Variants in RPAP1 observed in about 807,000 individuals in gnomAD.
RPAP1 encodes RNA polymerase II-associated protein 1.
RPAP1 carries 109 observed loss-of-function variants against 142.4 expected under a neutral mutation model. That is an observed-to-expected ratio of 0.77 (90% confidence interval 0.66 to 0.90). The LOEUF (loss-of-function observed/expected upper bound fraction) is 0.90. Among genes scored for constraint, RPAP1 ranks in the 40% least tolerant of loss-of-function variants. RPAP1 has a pLI of 0.00. For synonymous variants in RPAP1, 704 were observed against 738.9 expected, an observed-to-expected ratio of 0.95 and a Z score of 0.77; for missense variants, 1,546 against 1,751.7, an observed-to-expected ratio of 0.88 and a Z score of 2.10.
At chr15:41,529,005 G>A (rs555983454) in intron 9 of RPAP1, among the ~76,000 whole-genome samples, 2 of 152,206 alleles carry the variant, frequency 1.3e-5, no homozygotes, top group South Asian at 4.1e-4. Flanking sequence ...CAGAAGATCG[G>A]CAAATTCTAG....
Position 41,521,012 on chromosome 15 carries a change from G to A in RPAP1, c.3174C>T (p.Cys1058=). 1 of 1,605,042 alleles carries A rather than the reference G, an allele frequency of 6.2e-7. No individual in the cohort carries two copies. Among genetic ancestry groups the A allele is most frequent in the Non-Finnish European group, 8.5e-7 (1 of 1,175,484 alleles). Residue 1058 remains cysteine (C), a synonymous_variant, in exon 22 of 25, where the codon TGC becomes TGT. Transcript: ENST00000304330. ...ACQDLPSIRN[C]YLTHCSPARA... is the part of the protein sequence containing the mutation. ...GGGCTGGCGAGCAATGAGTCAGGTA[G>A]CAGTTGCGGATGCTGGGGAGGTCCT... is the stretch of plus-strand genomic sequence containing the variant.
In RPAP1 at chr15:41,527,404, AAAG is replaced by A. The variant is rs1175171795; in HGVS notation, c.1611+16_1611+18del. 8 of 1,613,652 alleles carry A rather than the reference AAAG, an allele frequency of 5.0e-6. No homozygotes were observed. Among genetic ancestry groups the A allele is most frequent in the Non-Finnish European group, 6.8e-6 (8 of 1,179,852 alleles). On this transcript the variant is annotated intron_variant, in intron 12 of 24. Coordinates refer to ENST00000304330, the MANE Select transcript of RPAP1 (RefSeq NM_015540.4). ...CTTGTCCCCTGGGCCATGGGATGGG[AAAG>A]AAGCTGTCCCTTTACCTTGATGACA...
intron 21 of RPAP1, among the ~76,000 whole-genome samples, chr15:41,521,406 G>C (rs1369158050): frequency 6.6e-6 from 1 of 152,212 alleles, no homozygotes; most frequent in African/African-American, 2.4e-5. Flanking sequence ...CTATCTCATG[G>C]TCCAAGTAAA....
chr15:41,520,813 T>C lies in RPAP1; in HGVS notation c.3373A>G (p.Thr1125Ala). 1 of 1,613,776 alleles carries C rather than the reference T, an allele frequency of 6.2e-7. No individual in the cohort carries two copies. The change falls in exon 22 of 25, where the codon ACC (threonine) becomes GCC (alanine). Residue 1125 changes from threonine (T) to alanine (A), a missense_variant. By Grantham distance (58) the Thr-to-Ala change is moderately conservative. This residue lies in a region of RPAP1 where 1,333 missense variants were observed against 1,486.6 expected (regional missense o/e 0.90). Coordinates refer to ENST00000304330, the MANE Select transcript of RPAP1 (RefSeq NM_015540.4). ...AGGACCCGCATGGCTGTGCCCATGG[T>C]GTCTGTGGGAGAGAGTCCCGAGGGG... ...DTPSGLSPTD[T>A]MGTAMRVLQW...
rs759260623 is a variant in RPAP1 at position 41,536,165 on chromosome 15, AG to A, written c.383del (p.Ala128ValfsTer34). ...AVNLPVPSGV[A>X]FPAVFLRSRD... ...GCGAGCGAAGGAACACAGCAGGGAA[AG>A]CAACACCACTGGGCACAGGCAGATT... On this transcript the variant is annotated frameshift_variant, in exon 4 of 25. Coordinates refer to ENST00000304330, the MANE Select transcript of RPAP1 (RefSeq NM_015540.4). LOFTEE classifies it high-confidence loss of function. 9.3e-6 allele frequency: 15 copies of A among 1,614,034 alleles called. No individual in the cohort carries two copies. The highest frequency in any genetic ancestry group is 1.3e-5 in the Non-Finnish European group (15 of 1,180,024).
In RPAP1 at chr15:41,537,095, C is replaced by G; in HGVS notation, c.31G>C (p.Glu11Gln). The G allele has an allele frequency of 6.2e-7, 1 of 1,614,136 alleles. No homozygotes were observed. Among genetic ancestry groups the G allele is most frequent in the East Asian group, 2.2e-5 (1 of 44,880 alleles). The change falls in exon 2 of 25, where the codon GAG becomes CAG. Residue 11 changes from glutamate to glutamine, a missense_variant. Coordinates refer to ENST00000304330, the MANE Select transcript of RPAP1 (RefSeq NM_015540.4). MLSRPKPGES[E>Q]VDLLHFQSQF... ...CTCTGGAAGTGCAGCAGGTCCACCT[C>G]GGACTCCCCTGGCTTCGGTCTCGAC...
chr15:41,539,280 T>G (rs529976512), intron 1 of RPAP1, among the ~76,000 whole-genome samples: 26 of 141,224 alleles, frequency 1.8e-4, no homozygotes, highest in East Asian at 4.0e-4. Flanking sequence ...CTAATTTTTG[T>G]TTTTTTTTTT....
intron 11 of RPAP1, 121 bp from the exon 12 acceptor site, chr15:41,527,726 A>T: frequency 6.9e-7 from 1 of 1,456,004 alleles, no homozygotes; most frequent in Non-Finnish European, 9.2e-7. Context: ...TAGGGACTTT[A>T]GGAGATGAGG....
In RPAP1 at chr15:41,526,965, G is replaced by A. The variant is rs1828563595; in HGVS notation, c.1850C>T (p.Pro617Leu). The change falls in exon 14 of 25, where the codon CCC (proline) becomes CTC (leucine). Residue 617 changes from proline (P) to leucine (L), a missense_variant. Around this residue, in one of 3 missense-constraint regions of RPAP1, gnomAD observed 1,333 missense variants for 1,486.6 expected, o/e 0.90. Coordinates refer to ENST00000304330, the MANE Select transcript of RPAP1 (RefSeq NM_015540.4). Reference protein sequence around the residue: ...AGPTPSLYKVPCATAMKLLRV... With the variant: ...AGPTPSLYKVLCATAMKLLRV... ...AAGTAGTTTCATGGCAGTAGCACAGGGTACTTTGTATAGACTAGGGGTAGG... is the reference window on the plus strand; with the variant it reads ...AAGTAGTTTCATGGCAGTAGCACAGAGTACTTTGTATAGACTAGGGGTAGG... 2.5e-6 allele frequency: 4 copies of A among 1,614,166 alleles called. No individual in the cohort carries two copies. Among genetic ancestry groups the A allele is most frequent in the Non-Finnish European group, 3.4e-6 (4 of 1,180,010 alleles).
At chr15:41,530,431 TC>T (rs1162219602) in intron 7 of RPAP1, among the ~76,000 whole-genome samples, 1 of 152,162 alleles carries the variant, frequency 6.6e-6, no homozygotes, top group African/African-American at 2.4e-5. Flanking sequence ...AGCATTTTCC[TC>T]CTTCACGCCT....
intron 7 of RPAP1, 48 bp downstream of exon 7, chr15:41,530,975 T>A: frequency 3.9e-6 from 6 of 1,555,680 alleles, no homozygotes; most frequent in Non-Finnish European, 5.3e-6. Flanking sequence ...AAAGGGACAA[T>A]TTCCCCTACT....
intron 6 of RPAP1, 42 bp from the exon 7 acceptor site, chr15:41,531,244 CT>C (rs771128811): frequency 6.4e-7 from 1 of 1,561,652 alleles, no homozygotes; most frequent in Non-Finnish European, 8.8e-7. Context: ...AGGGTAGATC[CT>C]CCCTGGCCTC....
intron 8 of RPAP1, 38 bp from the exon 9 acceptor site, chr15:41,529,606 C>G (rs1291095178): frequency 6.9e-7 from 1 of 1,452,916 alleles, no homozygotes; most frequent in Admixed American, 1.8e-5. Context: ...TCTGGGGGCT[C>G]CAGCAACCTT....
intron 14 of RPAP1, among the ~76,000 whole-genome samples, chr15:41,526,259 T>G (rs1042038913): frequency 6.6e-6 from 1 of 152,154 alleles, no homozygotes; most frequent in African/African-American, 2.4e-5. Context: ...AGTAGTAGTA[T>G]TTTTGAGACG....
intron 6 of RPAP1, among the ~76,000 whole-genome samples, chr15:41,532,169 G>T (rs1040008538): frequency 6.6e-6 from 1 of 151,542 alleles, no homozygotes; most frequent in Non-Finnish European, 1.5e-5. Context: ...CTACAGGCGT[G>T]TGCCACCACG....
At chr15:41,528,161 G>A in intron 10 of RPAP1, 74 bp downstream of exon 10, 1 of 1,508,922 alleles carries the variant, frequency 6.6e-7, no homozygotes, top group South Asian at 1.2e-5. Flanking sequence ...GAGTGAAAAG[G>A]GCAGGAGATG....
At chr15:41,524,308 GAC>G in intron 15 of RPAP1, 54 bp from the exon 16 acceptor site, 2 of 1,465,528 alleles carry the variant, frequency 1.4e-6, no homozygotes, top group Middle Eastern at 3.6e-4. Context: ...GGAGACATGA[GAC>G]ACAGGTCATG....
In RPAP1 at chr15:41,518,158, T is replaced by C. The variant is rs763010493; in HGVS notation, c.3820A>G (p.Thr1274Ala). The C allele has an allele frequency of 6.3e-7, 1 of 1,581,104 alleles. No individual in the cohort carries two copies. Among genetic ancestry groups the C allele is most frequent in the South Asian group, 1.2e-5 (1 of 85,942 alleles). The change falls in exon 23 of 25, where the codon ACA (threonine) becomes GCA (alanine). Residue 1274 changes from threonine to alanine, a missense_variant. By Grantham distance (58) the Thr-to-Ala change is moderately conservative (BLOSUM62 0). This residue lies in a region of RPAP1 where 210 missense variants were observed against 248.0 expected (regional missense o/e 0.85). Transcript: ENST00000304330. ...TQLPVSLECY[T>A]VPPEDNLALL... is the part of the protein sequence containing the mutation. ...GCCAGGTTGTCTTCAGGAGGCACTG[T>C]GTAACACTCCAGGGACACAGGCAAC...
In RPAP1 at chr15:41,536,725, C is replaced by G. The variant is rs998870627; in HGVS notation, c.182-76G>C. 42 of 1,547,478 alleles carry G rather than the reference C, an allele frequency of 2.7e-5. No individual in the cohort carries two copies. The African/African-American group carries it at 5.3e-4, about 20-fold the overall frequency. ...GACACTGCAGGCTAGGGAAGAAAGA[C>G]AGCTGCCATGGGGCCCTGGCTCAAG... On this transcript the variant is annotated intron_variant, in intron 2 of 24. Coordinates refer to ENST00000304330, the MANE Select transcript of RPAP1 (RefSeq NM_015540.4).
Sources: gnomAD v4.1 joint callset for allele counts (sites outside exome capture counted in the v4.1 genomes callset) on GRCh38, gnomAD v4.1.1 for gene constraint, gnomAD v4.1.1 regional missense constraint, MANE v1.5 for transcripts, NCBI Gene and HGNC (gene_info 2026-07-23, HGNC 2026-07-21) for gene names.